Variants in RYR2 observed in about 807,000 individuals in gnomAD.
RYR2 encodes cardiac muscle ryanodine receptor-calcium release channel.
Under a neutral mutation model 601.1 loss-of-function variants are expected in RYR2, and 227 were observed. That is an observed-to-expected ratio of 0.38 (90% CI 0.34 to 0.42). RYR2 has a LOEUF of 0.42. Ranked by LOEUF, RYR2 falls within the 10% of genes least tolerant of loss-of-function variation. The pLI is 1.00. For synonymous variants in RYR2, 2,223 were observed against 2,175.1 expected (o/e 1.02, Z -0.61); for missense variants, 4,646 against 6,156.5 (o/e 0.75, Z 8.21).
intron 1 of RYR2, among the ~76,000 whole-genome samples, chr1:237,208,370 C>A (rs571965467): frequency 2.0e-5 from 3 of 152,216 alleles, no homozygotes; most frequent in Admixed American, 6.5e-5. Flanking sequence ...GTGTGTTTTC[C>A]TCTGCTGAAG....
At chr1:237,673,171 T>C (rs1417846784) in intron 58 of RYR2, among the ~76,000 whole-genome samples, 2 of 152,230 alleles carry the variant, frequency 1.3e-5, no homozygotes, top group African/African-American at 4.8e-5. Context: ...CAGTTGTATT[T>C]CAGGGTAGTT....
At chr1:237,637,774 T>A (rs971849091) in intron 44 of RYR2, among the ~76,000 whole-genome samples, 2 of 152,210 alleles carry the variant, frequency 1.3e-5, no homozygotes, top group East Asian at 1.9e-4. Flanking sequence ...CTTTGATAGA[T>A]AAGGGTCTCA....
chr1:237,474,084 T>C (rs1018657750), intron 17 of RYR2, among the ~76,000 whole-genome samples: 2 of 151,018 alleles, frequency 1.3e-5, no homozygotes, highest in African/African-American at 4.9e-5. Context: ...GCTCCGGGAG[T>C]TGACAGGTGC....
chr1:237,129,673 A>T (rs1463358586), intron 1 of RYR2, among the ~76,000 whole-genome samples: 1 of 149,498 alleles, frequency 6.7e-6, no homozygotes, highest in African/African-American at 2.4e-5. Context: ...ATAGTATGAT[A>T]TATAGTATGA....
rs1335514890 is a variant in RYR2, at chr1:237,772,046, T to C, written c.11592T>C (p.Asn3864=). 6.4e-7 allele frequency: 1 copy of C among 1,554,122 alleles called. No individual in the cohort carries two copies. Among genetic ancestry groups the C allele is most frequent in the Non-Finnish European group, 8.7e-7 (1 of 1,143,158 alleles). Residue 3864 remains asparagine, a synonymous_variant, in exon 86 of 105, where the codon AAT becomes AAC. Transcript: ENST00000366574. ...FQNYLRTQTG[N]NTTVNIIIST... is the part of the protein sequence containing the mutation. ...ATTATCTGAGAACTCAGACTGGCAA[T>C]AATACAACTGTCAACATAATTATCT...
Position 237,454,477 on chromosome 1 carries a change from T to C in RYR2, c.1379T>C (p.Ile460Thr), listed in dbSNP as rs780476730. 6.2e-6 allele frequency: 10 copies of C among 1,613,462 alleles called. No homozygotes were observed. The highest frequency in any genetic ancestry group is 3.3e-5 in the Admixed American group (2 of 59,916). ...GTAAGCCTAAGTCTGCAGGATCTCATTGGCTACTTCCACCCCCCAGATGAG... is the reference window on the plus strand; with the variant it reads ...GTAAGCCTAAGTCTGCAGGATCTCACTGGCTACTTCCACCCCCCAGATGAG... ...ESVSLSLQDL[I>T]GYFHPPDEHL... Residue 460 changes from isoleucine (I) to threonine (T), a missense_variant, in exon 15 of 105, where the codon ATT (isoleucine) becomes ACT (threonine). This residue lies in a region of RYR2 where 1,807 missense variants were observed against 2,088.1 expected (regional missense o/e 0.87). Coordinates refer to ENST00000366574, the MANE Select transcript of RYR2 (RefSeq NM_001035.3).
intron 80 of RYR2, among the ~76,000 whole-genome samples, chr1:237,749,479 A>C (rs1692362068): frequency 1.3e-5 from 2 of 152,084 alleles, no homozygotes; most frequent in African/African-American, 4.8e-5. Flanking sequence ...TTCTCTGCTG[A>C]AAACAAGTCA....
At position 237,784,555 on chromosome 1, in the gene RYR2, G is replaced by C; in HGVS notation, c.12843G>C (p.Thr4281=). ...VKKMTVKDMV[T]AFFSSYWSIF... is the part of the protein sequence containing the mutation. ...AGATGACCGTGAAGGACATGGTCACGGCCTTCTTTTCATCCTACTGGAGTA... is the reference window on the plus strand; with the variant it reads ...AGATGACCGTGAAGGACATGGTCACCGCCTTCTTTTCATCCTACTGGAGTA... The change falls in exon 90 of 105, where the codon ACG becomes ACC. Residue 4281 remains threonine, a synonymous_variant. Transcript: ENST00000366574. This position sits in a 1 kb window ranked among gnomAD's most constrained non-coding sequence, Gnocchi z 7.1. The C allele has an allele frequency of 6.2e-7, 1 of 1,613,878 alleles. No homozygotes were observed. Among genetic ancestry groups the C allele is most frequent in the Non-Finnish European group, 8.5e-7 (1 of 1,179,850 alleles).
chr1:237,520,804 G>A (rs1407698374), intron 24 of RYR2, among the ~76,000 whole-genome samples: 1 of 152,094 alleles, frequency 6.6e-6, no homozygotes, highest in African/African-American at 2.4e-5. Flanking sequence ...GGGAGGCCAA[G>A]GTGGGTGGAT....
At chr1:237,362,044 G>A (rs1167076947) in intron 4 of RYR2, among the ~76,000 whole-genome samples, 1 of 152,122 alleles carries the variant, frequency 6.6e-6, no homozygotes, top group Non-Finnish European at 1.5e-5. Context: ...TTAAAATGTA[G>A]CAATAGCAAT....
At position 237,659,974 on chromosome 1, in the gene RYR2, CTTTT is replaced by C. The variant is rs876657992; in HGVS notation, c.8209-7_8209-4del. The C allele has an allele frequency of 1.2e-5, 18 of 1,562,566 alleles. No homozygotes were observed. The Admixed American group carries it at 2.8e-4, about 24-fold the overall frequency. On this transcript the variant is annotated splice_region_variant and splice_polypyrimidine_tract_variant and intron_variant, in intron 54 of 104. Coordinates refer to ENST00000366574, the MANE Select transcript of RYR2 (RefSeq NM_001035.3). The stretch of plus-strand genomic sequence containing the variant: ...GTGTAAAACAATTTTTAATGTTTGC[CTTTT>C]TTTAAGTTGGCAAATGGATGGATTT...
chr1:237,719,459 G>C (rs1020715935), intron 73 of RYR2, among the ~76,000 whole-genome samples: 1 of 152,068 alleles, frequency 6.6e-6, no homozygotes. Flanking sequence ...CTTTTGGGGA[G>C]GTTCCAGGAA....
intron 1 of RYR2, among the ~76,000 whole-genome samples, chr1:237,058,523 A>T (rs68115334): frequency 0.14 from 20,649 of 152,230 alleles, 1,604 homozygotes; most frequent in Middle Eastern, 0.23. Flanking sequence ...GTTGATTTAA[A>T]GGTAAAAGCT....
chr1:237,598,233 C>G (rs1676097829), intron 34 of RYR2, among the ~76,000 whole-genome samples: 1 of 152,188 alleles, frequency 6.6e-6, no homozygotes, highest in African/African-American at 2.4e-5. Context: ...CAACACCCCA[C>G]TTTCAACAAC....
In RYR2 at chr1:237,568,916, T is replaced by G. The variant is rs565833438; in HGVS notation, c.3424-229T>G. Among the ~76,000 whole-genome samples, 5 of 152,228 alleles carry G rather than the reference T, an allele frequency of 3.3e-5. No homozygotes were observed. In the South Asian group the frequency reaches 1.0e-3, roughly 32 times the overall value. Reference sequence around the variant, plus strand: ...TCAAAATCATGACATAGATTTTGGATTTTTTTCCCAAGATTCGATAATATA... The same window carrying G: ...TCAAAATCATGACATAGATTTTGGAGTTTTTTCCCAAGATTCGATAATATA... On this transcript the variant is annotated intron_variant, in intron 28 of 104. Coordinates refer to ENST00000366574, the MANE Select transcript of RYR2 (RefSeq NM_001035.3).
intron 1 of RYR2, among the ~76,000 whole-genome samples, chr1:237,207,074 T>C (rs1435149971): frequency 1.3e-5 from 2 of 151,808 alleles, no homozygotes; most frequent in East Asian, 1.9e-4. Flanking sequence ...TCCCAGCACA[T>C]TGGGAGGCCA....
intron 58 of RYR2, among the ~76,000 whole-genome samples, chr1:237,671,504 T>G (rs938324168): frequency 1.3e-5 from 2 of 149,142 alleles, no homozygotes; most frequent in Non-Finnish European, 3.0e-5. Context: ...GGTGCCTGGG[T>G]GTGTGTGTGT....
At chr1:237,706,201 A>C (rs1042765384) in intron 67 of RYR2, among the ~76,000 whole-genome samples, 1 of 152,212 alleles carries the variant, frequency 6.6e-6, no homozygotes, top group South Asian at 2.1e-4. Flanking sequence ...GTGAGCCAAG[A>C]CTGCGCCACT....
intron 48 of RYR2, among the ~76,000 whole-genome samples, chr1:237,648,207 G>C (rs1456304580): frequency 1.3e-5 from 2 of 152,162 alleles, no homozygotes; most frequent in East Asian, 3.9e-4. Context: ...GCCATGTCTT[G>C]TATCCTGTAT....
Sources: allele counts gnomAD v4.1 joint callset (sites outside exome capture counted in the v4.1 genomes callset), GRCh38; gene constraint gnomAD v4.1.1; regional missense constraint gnomAD v4.1.1; non-coding constraint Gnocchi (gnomAD v3.1); transcripts MANE v1.5; gene names NCBI Gene and HGNC (gene_info 2026-07-23, HGNC 2026-07-21).